SPAG16: variants seen among roughly 807,000 people sequenced by gnomAD.
SPAG16 encodes sperm associated antigen 16.
Under a neutral mutation model 80.4 loss-of-function variants are expected in SPAG16, and 86 were observed. The observed-to-expected ratio is 1.07, with a 90% confidence interval of 0.90 to 1.28. SPAG16 has a LOEUF of 1.28. Ranked by LOEUF, SPAG16 falls within the 50% of genes most tolerant of loss-of-function variation. The pLI, the probability that SPAG16 is intolerant of heterozygous loss-of-function variation, is 0.00. For synonymous variants in SPAG16, 294 were observed against 265.9 expected, an observed-to-expected ratio of 1.11 and a Z score of -1.03; for missense variants, 870 against 765.3, an observed-to-expected ratio of 1.14 and a Z score of -1.61.
chr2:213,472,974 A>C (rs1466305385), intron 9 of SPAG16, among the ~76,000 whole-genome samples: 2 of 152,182 alleles, frequency 1.3e-5, no homozygotes, highest in Non-Finnish European at 2.9e-5. Flanking sequence ...GTCCTTCCTC[A>C]AGAGGTCTTG....
chr2:213,499,217 C>A (rs2074631578), intron 10 of SPAG16, among the ~76,000 whole-genome samples: 1 of 151,946 alleles, frequency 6.6e-6, no homozygotes, highest in Non-Finnish European at 1.5e-5. Flanking sequence ...CTCCTTTTTC[C>A]ACTTGCAAAT....
At chr2:213,746,527 C>T (rs1434999470) in intron 10 of SPAG16, among the ~76,000 whole-genome samples, 2 of 152,150 alleles carry the variant, frequency 1.3e-5, no homozygotes, top group Admixed American at 6.5e-5. Flanking sequence ...TAGCACAGTC[C>T]GGGTGCGGTG....
Position 213,779,819 on chromosome 2 carries a change from T to C in SPAG16, c.1071-82666T>C, listed in dbSNP as rs566158279. Among the ~76,000 whole-genome samples the C allele has an allele frequency of 3.3e-5, 5 of 152,266 alleles. No homozygotes were observed. In the East Asian group the frequency reaches 5.8e-4, roughly 18 times the overall value. ...TAAGGGAAGTCTGAATACTTAAAAA[T>C]TGAAACGTGTTATTTTATCCCAGTA... is the stretch of plus-strand genomic sequence containing the variant. On this transcript the variant is annotated intron_variant, in intron 10 of 15. Coordinates refer to ENST00000331683, the MANE Select transcript of SPAG16 (RefSeq NM_024532.5).
intron 10 of SPAG16, among the ~76,000 whole-genome samples, chr2:213,499,050 A>T (rs948572384): frequency 2.6e-5 from 4 of 152,158 alleles, no homozygotes; most frequent in African/African-American, 9.7e-5. Flanking sequence ...TCAAGCCCTT[A>T]AGACACATTT....
At chr2:213,589,897 G>A (rs1217021449) in intron 10 of SPAG16, among the ~76,000 whole-genome samples, 4 of 148,756 alleles carry the variant, frequency 2.7e-5, no homozygotes, top group African/African-American at 7.5e-5. Flanking sequence ...ACTCCAGCCC[G>A]GGCAACAGAA....
At chr2:213,530,964 CTAAT>C (rs1289304264) in intron 10 of SPAG16, among the ~76,000 whole-genome samples, 3 of 152,072 alleles carry the variant, frequency 2.0e-5, no homozygotes, top group African/African-American at 7.2e-5. Flanking sequence ...ATTTATGAAT[CTAAT>C]TAAAGTTATT....
In SPAG16 at chr2:213,460,763, G is replaced by A. The variant is rs144421364; in HGVS notation, c.943-29200G>A. Among the ~76,000 whole-genome samples the A allele has an allele frequency of 6.8e-4, 103 of 152,106 alleles. No homozygotes were observed. The East Asian group carries it at 0.017, about 25-fold the overall frequency. On this transcript the variant is annotated intron_variant, in intron 9 of 15. Coordinates refer to ENST00000331683, the MANE Select transcript of SPAG16 (RefSeq NM_024532.5). ...TAAAGTCATAGTTACATAATGCTAC[G>A]GTTGGTCATAGTAAATCAGTAAATG...
At chr2:213,997,582 T>C (rs2046584203) in intron 12 of SPAG16, among the ~76,000 whole-genome samples, 1 of 152,208 alleles carries the variant, frequency 6.6e-6, no homozygotes, top group Admixed American at 6.5e-5. Flanking sequence ...CCACTTTCTT[T>C]TTAACAGTGA....
chr2:213,368,679 C>G (rs558190088), intron 8 of SPAG16, among the ~76,000 whole-genome samples: 1 of 152,092 alleles, frequency 6.6e-6, no homozygotes, highest in Non-Finnish European at 1.5e-5. Flanking sequence ...TCATCTCAGC[C>G]CAAAATCTCC....
At chr2:214,057,500 G>A (rs1209990739) in intron 13 of SPAG16, among the ~76,000 whole-genome samples, 6 of 152,166 alleles carry the variant, frequency 3.9e-5, no homozygotes, top group South Asian at 4.1e-4. Flanking sequence ...CATCATCTAG[G>A]CTTTATTGTT....
At chr2:213,919,552 C>G (rs1036462420) in intron 11 of SPAG16, among the ~76,000 whole-genome samples, 1 of 152,168 alleles carries the variant, frequency 6.6e-6, no homozygotes, top group Admixed American at 6.5e-5. Context: ...ATTATTTACT[C>G]AAAAGCCATT....
At chr2:214,076,543 C>CTGTG (rs59810311) in intron 13 of SPAG16, among the ~76,000 whole-genome samples, 3 of 124,402 alleles carry the variant, frequency 2.4e-5, no homozygotes, top group South Asian at 6.0e-4. Context: ...GTGTGTGTGT[C>CTGTG]TGTGTGTGTG....
intron 9 of SPAG16, among the ~76,000 whole-genome samples, chr2:213,398,741 T>A (rs2068167324): frequency 6.6e-6 from 1 of 152,174 alleles, no homozygotes. Context: ...ATCTTACATA[T>A]CTCTCATATG....
At chr2:214,133,670 A>T (rs966066311) in intron 14 of SPAG16, among the ~76,000 whole-genome samples, 9 of 152,058 alleles carry the variant, frequency 5.9e-5, no homozygotes, top group Admixed American at 2.6e-4. Context: ...AATAATAATA[A>T]AATAAAATAA....
intron 10 of SPAG16, among the ~76,000 whole-genome samples, chr2:213,840,849 C>A (rs1256251378): frequency 1.3e-5 from 2 of 152,092 alleles, no homozygotes; most frequent in East Asian, 3.9e-4. Flanking sequence ...TGTTTGTGAA[C>A]TGGGGAGTAA....
rs1293562499 is a variant in SPAG16 at position 213,555,913 on chromosome 2, TAAA to T, written c.1070+65826_1070+65828del. 2.0e-5 allele frequency among the ~76,000 whole-genome samples: 3 copies of T among 152,094 alleles called. No homozygotes were observed. In the East Asian group the frequency reaches 5.8e-4, roughly 29 times the overall value. ...CTAAAATAATTTTTAAGGGGTAAAA[TAAA>T]AATATGTAAATTGTGACATCAAAAA... On this transcript the variant is annotated intron_variant, in intron 10 of 15. Transcript: ENST00000331683.
At chr2:213,824,969 T>G (rs1329828009) in intron 10 of SPAG16, among the ~76,000 whole-genome samples, 1 of 152,160 alleles carries the variant, frequency 6.6e-6, no homozygotes, top group Non-Finnish European at 1.5e-5. Flanking sequence ...AGATATTTAA[T>G]TTTATTTATA....
intron 13 of SPAG16, among the ~76,000 whole-genome samples, chr2:214,033,600 G>A (rs542195665): frequency 6.6e-6 from 1 of 152,112 alleles, no homozygotes. Context: ...CACTCATTTA[G>A]ACATAGGTCC....
intron 15 of SPAG16, chr2:214,280,935 C>A: frequency 2.3e-6 from 1 of 440,350 alleles, no homozygotes; most frequent in Non-Finnish European, 4.4e-6. Context: ...AATGTGCTTC[C>A]AGTGTACTTC....
Sources: gnomAD v4.1 joint callset for allele counts (sites outside exome capture counted in the v4.1 genomes callset) on GRCh38, gnomAD v4.1.1 for gene constraint, MANE v1.5 for transcripts, NCBI Gene and HGNC (gene_info 2026-07-23, HGNC 2026-07-21) for gene names.